PRKAA1: variants seen among roughly 807,000 people sequenced by gnomAD.
The protein encoded by PRKAA1 is 5'-AMP-activated protein kinase catalytic subunit alpha-1.
A neutral mutation model predicts 56.9 loss-of-function variants in PRKAA1; 23 were observed. That is an observed-to-expected ratio of 0.40 (90% confidence interval 0.29 to 0.57). PRKAA1 has a LOEUF of 0.57. Among genes scored for constraint, PRKAA1 ranks in the 20% least tolerant of loss-of-function variants. The pLI is 0.39. For missense variants in PRKAA1, 413 were observed against 679.7 expected, an observed-to-expected ratio of 0.61 and a Z score of 4.36; for synonymous variants, 226 against 227.0, an observed-to-expected ratio of 1.00 and a Z score of 0.04.
chr5:40,769,638 T>C (rs760480273), intron 4 of PRKAA1, 135 bp from the exon 5 acceptor site: 38 of 701,176 alleles, frequency 5.4e-5, no homozygotes, highest in Non-Finnish European at 9.2e-5. Flanking sequence ...AATCCTATGG[T>C]CTATTGTAGC....
Position 40,762,704 on chromosome 5 carries a change from T to C in PRKAA1, c.*74A>G. 1 of 1,560,380 alleles carries C rather than the reference T, an allele frequency of 6.4e-7. No homozygotes were observed. Among genetic ancestry groups the C allele is most frequent in the Admixed American group, 1.8e-5 (1 of 56,368 alleles). ...CGGTTATAATTATGTATAACTTGAT[T>C]ACAAATGGAAGCATTTGGCTGTGAC... On this transcript the variant is annotated 3_prime_UTR_variant, in exon 9 of 9. Coordinates refer to ENST00000397128, the MANE Select transcript of PRKAA1 (RefSeq NM_006251.6).
chr5:40,798,051 CG>C lies in PRKAA1; in HGVS notation c.127+11del. On this transcript the variant is annotated intron_variant, in intron 1 of 8. Transcript: ENST00000397128. ...TCAGCTGGGGCCAAGCCTAGTCCCG[CG>C]GGGTTCTCACCCTTCACTTTGCCGA... 6.2e-7 allele frequency: 1 copy of C among 1,607,498 alleles called. No homozygotes were observed. The highest frequency in any genetic ancestry group is 2.3e-5 in the East Asian group (1 of 44,178).
At chr5:40,791,240 G>A (rs913259133) in intron 1 of PRKAA1, among the ~76,000 whole-genome samples, 2 of 152,164 alleles carry the variant, frequency 1.3e-5, no homozygotes, top group African/African-American at 4.8e-5. Flanking sequence ...CACTACTAAG[G>A]GATTCCCCCC....
chr5:40,797,498 A>C (rs1370391455), intron 1 of PRKAA1, among the ~76,000 whole-genome samples: 1 of 152,136 alleles, frequency 6.6e-6, no homozygotes, highest in African/African-American at 2.4e-5. Context: ...TTCCGACGAC[A>C]TGGTCTTTAA....
At chr5:40,786,473 G>C (rs1052007853) in intron 1 of PRKAA1, among the ~76,000 whole-genome samples, 2 of 151,900 alleles carry the variant, frequency 1.3e-5, no homozygotes, top group African/African-American at 4.8e-5. Context: ...TTGAAAAGTG[G>C]ATTTTCTAAA....
chr5:40,766,492 T>A (rs1312721397), intron 6 of PRKAA1, among the ~76,000 whole-genome samples: 2 of 152,172 alleles, frequency 1.3e-5, no homozygotes, highest in Non-Finnish European at 2.9e-5. Flanking sequence ...TCATCGTCAT[T>A]TTTGTCTAAT....
rs1743093383 is a variant in PRKAA1 at position 40,759,837 on chromosome 5, G to A, written c.*2941C>T. 1 of 152,164 alleles carries A rather than the reference G, an allele frequency of 6.6e-6. No homozygotes were observed. The highest frequency in any genetic ancestry group is 6.6e-5 in the Admixed American group (1 of 15,262). The allele number at this position is 152,164 out of a possible 1,614,324, so 9.4% of individuals were successfully genotyped here. A position where few individuals can be genotyped will look rare whatever the true frequency, so the allele number is the denominator to read the frequency against. ...AAGAAAAAAATTAGGTAAAAGCAAT[G>A]GAGTTTATTTCAGTGAAATTATTTT... On this transcript the variant is annotated 3_prime_UTR_variant, in exon 9 of 9. Coordinates refer to ENST00000397128, the MANE Select transcript of PRKAA1 (RefSeq NM_006251.6).
Position 40,784,601 on chromosome 5 carries a change from CTCTT to C in PRKAA1, c.128-7019_128-7016del, listed in dbSNP as rs1032991727. ...TGATGTGAGTTTTAATAAACAAGGG[CTCTT>C]TTTTTAACAAAAACAATTTTTTACA... On this transcript the variant is annotated intron_variant, in intron 1 of 8. Coordinates refer to ENST00000397128, the MANE Select transcript of PRKAA1 (RefSeq NM_006251.6). Among the ~76,000 whole-genome samples, 3 of 152,280 alleles carry C rather than the reference CTCTT, an allele frequency of 2.0e-5. No homozygotes were observed. In the South Asian group the frequency reaches 6.2e-4, roughly 32 times the overall value.
chr5:40,765,131 T>G lies in PRKAA1; in HGVS notation c.929A>C (p.Lys310Thr). The G allele has an allele frequency of 6.2e-7, 1 of 1,614,180 alleles. No individual in the cohort carries two copies. Among genetic ancestry groups the G allele is most frequent in the Non-Finnish European group, 8.5e-7 (1 of 1,180,008 alleles). ...DDEALKEVCEKFECSEEEVLS... is the reference protein window; with the variant it reads ...DDEALKEVCETFECSEEEVLS... ...AACTTCCTCTTCTGAGCACTCAAAC[T>G]TTTCACATACTTCTTTTAAGGCTTC... is the stretch of plus-strand genomic sequence containing the variant. Residue 310 changes from lysine to threonine, a missense_variant, in exon 7 of 9, where the codon AAG becomes ACG. Physicochemically the swap from Lys to Thr is moderately conservative, Grantham distance 78. Coordinates refer to ENST00000397128, the MANE Select transcript of PRKAA1 (RefSeq NM_006251.6).
rs1224738550 is a variant in PRKAA1 at position 40,761,461 on chromosome 5, CA to C, written c.*1316del. On this transcript the variant is annotated 3_prime_UTR_variant, in exon 9 of 9. Coordinates refer to ENST00000397128, the MANE Select transcript of PRKAA1 (RefSeq NM_006251.6). ...ACAAACACATATATGCATATATATGCATAACTAGCTGTATCTATACATATAT... is the reference window on the plus strand; with the variant it reads ...ACAAACACATATATGCATATATATGCTAACTAGCTGTATCTATACATATAT... 6.6e-6 allele frequency: 1 copy of C among 152,062 alleles called. No individual in the cohort carries two copies. The highest frequency in any genetic ancestry group is 1.5e-5 in the Non-Finnish European group (1 of 67,994). The allele number at this position is 152,062 out of a possible 1,614,324, so 9.4% of individuals were successfully genotyped here.
At chr5:40,769,607 T>C in intron 4 of PRKAA1, 104 bp from the exon 5 acceptor site, 2 of 947,252 alleles carry the variant, frequency 2.1e-6, no homozygotes, top group South Asian at 3.1e-5. Flanking sequence ...TAAATCATCA[T>C]TTTGTTATTT....
chr5:40,773,566 G>C (rs1478306834), intron 3 of PRKAA1, among the ~76,000 whole-genome samples: 1 of 152,112 alleles, frequency 6.6e-6, no homozygotes, highest in Non-Finnish European at 1.5e-5. Flanking sequence ...GAACAAAAGA[G>C]ACAGCAGTAA....
chr5:40,767,388 T>C, intron 6 of PRKAA1, 78 bp downstream of exon 6: 3 of 1,256,970 alleles, frequency 2.4e-6, no homozygotes, highest in Non-Finnish European at 1.1e-6. Context: ...GTATATTCTG[T>C]TCTGCAACTT....
At chr5:40,797,223 TAAAAC>T (rs1744965305) in intron 1 of PRKAA1, among the ~76,000 whole-genome samples, 1 of 152,314 alleles carries the variant, frequency 6.6e-6, no homozygotes, top group Non-Finnish European at 1.5e-5. Context: ...ACACCTTTCT[TAAAAC>T]AAAAGTTCGA....
intron 6 of PRKAA1, among the ~76,000 whole-genome samples, chr5:40,766,725 A>G (rs1463307794): frequency 6.6e-6 from 1 of 152,212 alleles, no homozygotes; most frequent in Non-Finnish European, 1.5e-5. Context: ...AACGCCAGGC[A>G]TACTGGCTCA....
At chr5:40,794,158 C>T (rs1744831136) in intron 1 of PRKAA1, among the ~76,000 whole-genome samples, 3 of 151,606 alleles carry the variant, frequency 2.0e-5, no homozygotes, top group African/African-American at 7.3e-5. Context: ...CTATCTACTG[C>T]TTTTTGATTT....
Position 40,798,335 on chromosome 5 carries a change from C to G in PRKAA1, c.-146G>C, listed in dbSNP as rs1745045361. The G allele has an allele frequency of 2.6e-6, 1 of 386,454 alleles. No individual in the cohort carries two copies. Among genetic ancestry groups the G allele is most frequent in the Non-Finnish European group, 4.3e-6 (1 of 233,256 alleles). The allele number at this position is 386,454 out of a possible 1,614,324, so 23.9% of individuals were successfully genotyped here. ...CCCCGCAGCCTACGTCGGGCGCAGACGCTCCCCCTGGCGGGGCGGGCGGGG... is the reference window on the plus strand; with the variant it reads ...CCCCGCAGCCTACGTCGGGCGCAGAGGCTCCCCCTGGCGGGGCGGGCGGGG... On this transcript the variant is annotated 5_prime_UTR_variant, in exon 1 of 9. Coordinates refer to ENST00000397128, the MANE Select transcript of PRKAA1 (RefSeq NM_006251.6).
At chr5:40,774,902 G>T in intron 3 of PRKAA1, 1 of 1,554,922 alleles carries the variant, frequency 6.4e-7, no homozygotes. Flanking sequence ...CCTTCCAGCT[G>T]TAAATTCTTT....
chr5:40,770,043 A>T (rs921202077), intron 4 of PRKAA1, among the ~76,000 whole-genome samples: 2 of 152,126 alleles, frequency 1.3e-5, no homozygotes, highest in Non-Finnish European at 2.9e-5. Flanking sequence ...TTAAAAAAAA[A>T]CAAAACACCA....
Sources: allele counts gnomAD v4.1 joint callset (sites outside exome capture counted in the v4.1 genomes callset), GRCh38; gene constraint gnomAD v4.1.1; transcripts MANE v1.5; gene names NCBI Gene and HGNC (gene_info 2026-07-23, HGNC 2026-07-21).